Variants in SOX5 observed in about 807,000 individuals in gnomAD.
SOX5 encodes SRY-box transcription factor 5, also known as transcription factor SOX-5.
SOX5 carries 9 observed loss-of-function variants against 92.0 expected under a neutral mutation model. The observed-to-expected ratio is 0.10, with a 90% CI of 0.06 to 0.17. The LOEUF (loss-of-function observed/expected upper bound fraction) is 0.17, where lower values mean the gene tolerates loss of function less well. Among genes scored for constraint, SOX5 ranks in the 10% least tolerant of loss-of-function variants. The pLI, the probability that SOX5 is intolerant of heterozygous loss-of-function variation, is 1.00. For missense variants in SOX5, 642 were observed against 944.5 expected, an observed-to-expected ratio of 0.68 and a Z score of 4.20; for synonymous variants, 344 against 336.3, an observed-to-expected ratio of 1.02 and a Z score of -0.25.
chr12:24,357,649 C>T (rs1484470069), intron 2 of SOX5, among the ~76,000 whole-genome samples: 1 of 152,024 alleles, frequency 6.6e-6, no homozygotes, highest in Non-Finnish European at 1.5e-5. Flanking sequence ...TCATGACCAT[C>T]CTGGGCAACA....
At chr12:23,577,830 T>C (rs947799795) in intron 9 of SOX5, among the ~76,000 whole-genome samples, 8 of 151,678 alleles carry the variant, frequency 5.3e-5, no homozygotes, top group African/African-American at 1.7e-4. Context: ...TTAAAAACTA[T>C]AGGGGCAATG....
intron 6 of SOX5, among the ~76,000 whole-genome samples, chr12:23,683,880 G>T (rs1021204828): frequency 5.0e-4 from 76 of 151,806 alleles, no homozygotes; most frequent in African/African-American, 1.6e-3. Context: ...AATAAATAAA[G>T]AAAAAGTTTT....
At chr12:24,172,053 T>C (rs1954245523) in intron 4 of SOX5, among the ~76,000 whole-genome samples, 1 of 151,384 alleles carries the variant, frequency 6.6e-6, no homozygotes, top group Non-Finnish European at 1.5e-5. Flanking sequence ...AGGGATAATG[T>C]ACTATGGCTG....
At chr12:23,850,056 A>T (rs2096614645) in intron 2 of SOX5, among the ~76,000 whole-genome samples, 1 of 152,184 alleles carries the variant, frequency 6.6e-6, no homozygotes, top group Non-Finnish European at 1.5e-5. Context: ...AACTACAGAT[A>T]CACAGAGAAC....
intron 3 of SOX5, among the ~76,000 whole-genome samples, chr12:24,251,492 G>T (rs1332857383): frequency 6.6e-6 from 1 of 151,802 alleles, no homozygotes; most frequent in East Asian, 1.9e-4. Context: ...TTATAGCCTA[G>T]CTCTAAATAT....
chr12:23,960,532 T>G (rs5016075), intron 4 of SOX5, among the ~76,000 whole-genome samples: 1 of 31,518 alleles, frequency 3.2e-5, no homozygotes, highest in African/African-American at 5.9e-5. Flanking sequence ...TATATATACA[T>G]ATATATATAT....
chr12:23,971,136 T>C (rs1948280997), intron 4 of SOX5, among the ~76,000 whole-genome samples: 1 of 121,748 alleles, frequency 8.2e-6, no homozygotes, highest in Non-Finnish European at 1.8e-5. Flanking sequence ...TTTTTTTTTT[T>C]TTTTGAGAGG....
At chr12:24,171,841 A>G (rs1954214964) in intron 4 of SOX5, among the ~76,000 whole-genome samples, 2 of 152,026 alleles carry the variant, frequency 1.3e-5, no homozygotes, top group South Asian at 2.1e-4. Flanking sequence ...CTATTTTTAA[A>G]AAAAAGAAGA....
At chr12:24,500,261 C>T (rs933325981) in intron 1 of SOX5, among the ~76,000 whole-genome samples, 2 of 151,922 alleles carry the variant, frequency 1.3e-5, no homozygotes, top group African/African-American at 2.4e-5. Context: ...TAATGGAGTC[C>T]CTTATTAAGT....
chr12:23,817,893 A>G (rs1317244067), intron 3 of SOX5, among the ~76,000 whole-genome samples: 1 of 152,206 alleles, frequency 6.6e-6, no homozygotes, highest in Admixed American at 6.5e-5. Flanking sequence ...AACCTATAAA[A>G]TAACTAGAAT....
chr12:24,227,143 T>C (rs956423106), intron 3 of SOX5: 7 of 152,188 alleles, frequency 4.6e-5, no homozygotes, highest in African/African-American at 1.7e-4. Flanking sequence ...ATTCATTCTG[T>C]TGTTGTAACC....
At chr12:23,850,258 G>A (rs1354095676) in intron 2 of SOX5, among the ~76,000 whole-genome samples, 4 of 151,550 alleles carry the variant, frequency 2.6e-5, no homozygotes, top group African/African-American at 7.3e-5. Context: ...GTGAAACCCC[G>A]TCTCTACTAT....
rs564027373 is a variant in SOX5, at chr12:23,648,971, G to A, written c.932-8074C>T. Among the ~76,000 whole-genome samples, 40 of 152,124 alleles carry A rather than the reference G, an allele frequency of 2.6e-4. No homozygotes were observed. In the South Asian group the frequency reaches 4.1e-3, roughly 16 times the overall value. On this transcript the variant is annotated intron_variant, in intron 7 of 14. Coordinates refer to ENST00000451604, the MANE Select transcript of SOX5 (RefSeq NM_006940.6). ...TTTCAAAAGGATTGTGTCTAATAGCGCTACGCTATTTCAATGATATTCACC... is the reference window on the plus strand; with the variant it reads ...TTTCAAAAGGATTGTGTCTAATAGCACTACGCTATTTCAATGATATTCACC...
chr12:24,049,766 T>C (rs1166346602), intron 4 of SOX5, among the ~76,000 whole-genome samples: 1 of 147,976 alleles, frequency 6.8e-6, no homozygotes, highest in African/African-American at 2.5e-5. Flanking sequence ...TTTATCCCAA[T>C]AATCTTTAGA....
intron 6 of SOX5, among the ~76,000 whole-genome samples, chr12:23,720,908 T>C (rs2092779001): frequency 6.6e-6 from 1 of 152,158 alleles, no homozygotes; most frequent in African/African-American, 2.4e-5. Flanking sequence ...ATCTATTTAA[T>C]ATGATTAACC....
intron 6 of SOX5, among the ~76,000 whole-genome samples, chr12:23,710,861 G>T (rs562304957): frequency 1.1e-3 from 173 of 152,204 alleles, no homozygotes; most frequent in African/African-American, 3.9e-3. Flanking sequence ...CCACCAACAG[G>T]GTTAAAGTGT....
At chr12:24,429,316 C>CA (rs1937779059) in intron 1 of SOX5, among the ~76,000 whole-genome samples, 1 of 147,516 alleles carries the variant, frequency 6.8e-6, no homozygotes, top group Non-Finnish European at 1.5e-5. Flanking sequence ...GACTCCATCT[C>CA]AAAAACAAAA....
intron 3 of SOX5, among the ~76,000 whole-genome samples, chr12:23,837,042 G>A (rs2096427037): frequency 6.6e-6 from 1 of 150,478 alleles, no homozygotes; most frequent in Admixed American, 6.8e-5. Context: ...CATTTGTGCT[G>A]TACATAGTGT....
intron 6 of SOX5, among the ~76,000 whole-genome samples, chr12:23,732,884 T>C (rs1414584395): frequency 1.3e-5 from 2 of 152,206 alleles, no homozygotes; most frequent in Non-Finnish European, 2.9e-5. Flanking sequence ...TTAGAATTTC[T>C]AGAACATATA....
Sources: gnomAD v4.1 joint callset for allele counts (sites outside exome capture counted in the v4.1 genomes callset) on GRCh38, gnomAD v4.1.1 for gene constraint, MANE v1.5 for transcripts, NCBI Gene and HGNC (gene_info 2026-07-23, HGNC 2026-07-21) for gene names.